RABGAP1L: variants seen among roughly 807,000 people sequenced by gnomAD.
RABGAP1L encodes the protein RAB GTPase activating protein 1 like.
Under a neutral mutation model 137.7 loss-of-function variants are expected in RABGAP1L, and 63 were observed. That is an observed-to-expected ratio of 0.46 (90% CI 0.37 to 0.56). The LOEUF (loss-of-function observed/expected upper bound fraction) is 0.56, where lower values mean the gene tolerates loss of function less well. RABGAP1L is among the 20% of genes least tolerant of loss of function. The pLI is 0.00. For missense variants in RABGAP1L, 1,095 were observed against 1,244.0 expected, an observed-to-expected ratio of 0.88 and a Z score of 1.80; for synonymous variants, 431 against 433.7, an observed-to-expected ratio of 0.99 and a Z score of 0.08.
chr1:174,533,978 A>C (rs934203270), intron 13 of RABGAP1L, among the ~76,000 whole-genome samples: 1 of 152,084 alleles, frequency 6.6e-6, no homozygotes, highest in Admixed American at 6.6e-5. Context: ...AGCCCACAAA[A>C]TATGTGTTAA....
chr1:174,461,076 T>G (rs1463837695), intron 13 of RABGAP1L, among the ~76,000 whole-genome samples: 1 of 152,214 alleles, frequency 6.6e-6, no homozygotes, highest in African/African-American at 2.4e-5. Context: ...ACTGCTATCT[T>G]CAGCATTGTC....
Position 174,231,125 on chromosome 1 carries a change from T to C in RABGAP1L, c.332-20T>C. The C allele has an allele frequency of 6.4e-7, 1 of 1,568,194 alleles. No individual in the cohort carries two copies. Among genetic ancestry groups the C allele is most frequent in the South Asian group, 1.1e-5 (1 of 89,052 alleles). ...GAGTTTTGCAATGACTTTTGAGTGTTTCTTTTTTTGTTTCTTCAGAAATTT... is the reference window on the plus strand; with the variant it reads ...GAGTTTTGCAATGACTTTTGAGTGTCTCTTTTTTTGTTTCTTCAGAAATTT... On this transcript the variant is annotated intron_variant, in intron 3 of 25. Transcript: ENST00000681986.
At chr1:174,965,324 C>G (rs1384540952) in intron 20 of RABGAP1L, among the ~76,000 whole-genome samples, 1 of 152,188 alleles carries the variant, frequency 6.6e-6, no homozygotes, top group East Asian at 1.9e-4. Context: ...TGCAAACTTA[C>G]AGCATGTGAA....
intron 13 of RABGAP1L, among the ~76,000 whole-genome samples, chr1:174,498,185 A>C (rs1451083856): frequency 6.6e-6 from 1 of 152,180 alleles, no homozygotes; most frequent in Non-Finnish European, 1.5e-5. Flanking sequence ...ATAATTGAGA[A>C]GAGTATATTC....
intron 19 of RABGAP1L, among the ~76,000 whole-genome samples, chr1:174,873,431 G>A (rs1652519810): frequency 6.6e-6 from 1 of 151,684 alleles, no homozygotes; most frequent in Non-Finnish European, 1.5e-5. Context: ...TTTTATGGGT[G>A]ACGTGATGAG....
rs1279869275 is a variant in RABGAP1L at position 174,779,705 on chromosome 1, T to A, written c.2211+27351T>A. Reference sequence around the variant, plus strand: ...GAAATCATACTAACCCTTACTTCATTTGATTAATATTTGTTAATTGTTTAT... The same window carrying A: ...GAAATCATACTAACCCTTACTTCATATGATTAATATTTGTTAATTGTTTAT... On this transcript the variant is annotated intron_variant, in intron 18 of 25. Coordinates refer to ENST00000681986, the MANE Select transcript of RABGAP1L (RefSeq NM_001366446.1). Among the ~76,000 whole-genome samples, 10 of 152,308 alleles carry A rather than the reference T, an allele frequency of 6.6e-5. No homozygotes were observed. In the East Asian group the frequency reaches 1.9e-3, roughly 29 times the overall value.
chr1:174,480,266 C>A (rs940142863), intron 13 of RABGAP1L, among the ~76,000 whole-genome samples: 1 of 152,042 alleles, frequency 6.6e-6, no homozygotes, highest in African/African-American at 2.4e-5. Context: ...AGAAACAGTG[C>A]CATTTAGAAT....
chr1:174,271,942 G>T (rs556618514), intron 7 of RABGAP1L, among the ~76,000 whole-genome samples: 21 of 151,932 alleles, frequency 1.4e-4, no homozygotes, highest in Non-Finnish European at 2.2e-4. Context: ...ACTGTGGAGG[G>T]CCAGGGTAAC....
intron 13 of RABGAP1L, among the ~76,000 whole-genome samples, chr1:174,528,523 G>A (rs984165718): frequency 1.4e-5 from 2 of 145,640 alleles, no homozygotes; most frequent in African/African-American, 5.1e-5. Context: ...CTTGGAATAC[G>A]TCATCCCATT....
rs74128382 is a variant in RABGAP1L at position 174,400,677 on chromosome 1, T to C, written c.1710+6532T>C. On this transcript the variant is annotated intron_variant, in intron 13 of 25. Coordinates refer to ENST00000681986, the MANE Select transcript of RABGAP1L (RefSeq NM_001366446.1). ...TAAGCAATGGATTAATTTGAGCAGC[T>C]GTTCCTGGTGAACTAACCTCTTCTC... Among the ~76,000 whole-genome samples the C allele has an allele frequency of 6.3e-3, 965 of 152,262 alleles. 11 individuals carry two copies. The highest frequency in any genetic ancestry group is 0.022 in the African/African-American group (927 of 41,560).
rs34143059 is a variant in RABGAP1L, at chr1:174,957,723, CTTTTTTTTTTT to C, written c.2433+187_2433+197del. On this transcript the variant is annotated intron_variant, in intron 20 of 25. Transcript: ENST00000681986. Reference sequence around the variant, plus strand: ...CGAGCCACCATTCCCAGCAAAGTACCTTTTTTTTTTTTTTTTTTTTTTTCTTAAAGCAGCAG... The same window carrying C: ...CGAGCCACCATTCCCAGCAAAGTACCTTTTTTTTTTTTCTTAAAGCAGCAG... 14 of 505,876 alleles carry C rather than the reference CTTTTTTTTTTT, an allele frequency of 2.8e-5. No homozygotes were observed. The East Asian group carries it at 4.1e-4, about 15-fold the overall frequency. The allele number at this position is 505,876 out of a possible 1,614,324, so 31.3% of individuals were successfully genotyped here.
At chr1:174,893,054 T>C (rs779654548) in intron 19 of RABGAP1L, 32 of 299,786 alleles carry the variant, frequency 1.1e-4, no homozygotes, top group Non-Finnish European at 1.9e-4. Context: ...CCAGGCTACC[T>C]CATTTCTGAT....
intron 14 of RABGAP1L, among the ~76,000 whole-genome samples, chr1:174,674,500 G>A (rs948000665): frequency 2.0e-5 from 3 of 150,948 alleles, no homozygotes; most frequent in Non-Finnish European, 4.4e-5. Context: ...TTGGACATTT[G>A]GGTTGGTTCC....
At position 174,970,839 on chromosome 1, in the gene RABGAP1L, AG is replaced by A. The variant is rs201914275; in HGVS notation, c.2544+1456del. On this transcript the variant is annotated intron_variant, in intron 21 of 25. Coordinates refer to ENST00000681986, the MANE Select transcript of RABGAP1L (RefSeq NM_001366446.1). ...TATTATTTTATCTATGTTCACTAGTAGGGGAGAATGACAGTTTGACTGTAAA... is the reference window on the plus strand; with the variant it reads ...TATTATTTTATCTATGTTCACTAGTAGGGAGAATGACAGTTTGACTGTAAA... Among the ~76,000 whole-genome samples the A allele has an allele frequency of 7.2e-4, 109 of 152,322 alleles. 3 individuals are homozygous for A. In the East Asian group the frequency reaches 0.021, roughly 29 times the overall value.
chr1:174,373,210 G>C (rs968923165), intron 12 of RABGAP1L, among the ~76,000 whole-genome samples: 1 of 152,212 alleles, frequency 6.6e-6, no homozygotes, highest in African/African-American at 2.4e-5. Context: ...GGCAGGAAGT[G>C]AGATGGGAGA....
At chr1:174,291,524 G>T (rs1009620583) in intron 10 of RABGAP1L, among the ~76,000 whole-genome samples, 3 of 152,076 alleles carry the variant, frequency 2.0e-5, no homozygotes, top group Admixed American at 1.3e-4. Flanking sequence ...ATTTTTATAA[G>T]ATTTGTATTA....
chr1:174,943,258 TA>T (rs1383604348), intron 19 of RABGAP1L, among the ~76,000 whole-genome samples: 1 of 152,204 alleles, frequency 6.6e-6, no homozygotes, highest in East Asian at 1.9e-4. Context: ...TTGAAATTCT[TA>T]GTTTTTGTGT....
At chr1:174,717,538 G>A (rs1378629706) in intron 17 of RABGAP1L, among the ~76,000 whole-genome samples, 3 of 152,150 alleles carry the variant, frequency 2.0e-5, no homozygotes, top group Admixed American at 1.3e-4. Flanking sequence ...ATCTAATAAT[G>A]TATAAGCTTT....
In RABGAP1L at chr1:174,845,212, T is replaced by C. The variant is rs921455381; in HGVS notation, c.2340+33252T>C. On this transcript the variant is annotated intron_variant, in intron 19 of 25. Coordinates refer to ENST00000681986, the MANE Select transcript of RABGAP1L (RefSeq NM_001366446.1). ...TTCCTCTTTTCCTAATTGAATACCT[T>C]TTATTTCCTTCTCCTGCCTGATTGC... 2.3e-4 allele frequency among the ~76,000 whole-genome samples: 21 copies of C among 91,498 alleles called. 2 individuals are homozygous for C. Among genetic ancestry groups the C allele is most frequent in the African/African-American group, 5.9e-4 (20 of 34,096 alleles). The allele number at this position is 91,498 out of a possible 152,430, so 60.0% of individuals were successfully genotyped here. A position where few individuals can be genotyped will look rare whatever the true frequency, so the allele number is the denominator to read the frequency against.
Sources: allele counts gnomAD v4.1 joint callset (sites outside exome capture counted in the v4.1 genomes callset), GRCh38; gene constraint gnomAD v4.1.1; transcripts MANE v1.5; gene names NCBI Gene and HGNC (gene_info 2026-07-23, HGNC 2026-07-21).